Variants in POFUT3 observed in about 807,000 individuals in gnomAD.
POFUT3 encodes protein O-fucosyltransferase 3.
the POFUT3 span, among the ~76,000 whole-genome samples, chr8:33,393,162 A>G: frequency 6.6e-6 from 1 of 152,202 alleles, no homozygotes; most frequent in Non-Finnish European, 1.5e-5. Context: ...CTACTGTAAC[A>G]AGAGTTGGAA....
chr8:33,379,954 T>C, the POFUT3 span, among the ~76,000 whole-genome samples: 1,252 of 108,526 alleles, frequency 0.012, 43 homozygotes, highest in Admixed American at 0.041. Context: ...ACCCTATATA[T>C]ACTATATATA....
chr8:33,407,258 A>C, the POFUT3 span, among the ~76,000 whole-genome samples: 1 of 152,208 alleles, frequency 6.6e-6, no homozygotes, highest in Non-Finnish European at 1.5e-5. Context: ...TCAGCTATAA[A>C]TGGGAGATTA....
chr8:33,354,932 C>T, the POFUT3 span, among the ~76,000 whole-genome samples: 1 of 152,272 alleles, frequency 6.6e-6, no homozygotes, highest in Admixed American at 6.5e-5. Flanking sequence ...TTTACCATAG[C>T]GGCACTTCCG....
At chr8:33,365,330 A>G in the POFUT3 span, among the ~76,000 whole-genome samples, 40 of 152,320 alleles carry the variant, frequency 2.6e-4, no homozygotes, top group Non-Finnish European at 4.9e-4. Context: ...AGGCAATACC[A>G]TTCAGGACAT....
the POFUT3 span, among the ~76,000 whole-genome samples, chr8:33,456,783 TTTTTGAGACAGAGTCTC>T: frequency 6.7e-6 from 1 of 150,124 alleles, no homozygotes; most frequent in East Asian, 1.9e-4. Flanking sequence ...TTTTTTTTTT[TTTTTGAGACAGAGTCTC>T]GCTCTGTCAC....
the POFUT3 span, among the ~76,000 whole-genome samples, chr8:33,433,774 A>G: frequency 6.6e-6 from 1 of 151,524 alleles, no homozygotes; most frequent in African/African-American, 2.4e-5. Context: ...ACAGAGCAAG[A>G]TTCAGTCTCG....
the POFUT3 span, among the ~76,000 whole-genome samples, chr8:33,317,547 C>T: frequency 1.5e-4 from 23 of 152,216 alleles, no homozygotes; most frequent in East Asian, 3.9e-3. Context: ...CCTCCATACT[C>T]GGTTTTGGAA....
the POFUT3 span, among the ~76,000 whole-genome samples, chr8:33,439,636 G>A: frequency 1.3e-5 from 2 of 151,922 alleles, no homozygotes; most frequent in Non-Finnish European, 2.9e-5. Context: ...GGGAGGCGGA[G>A]GTGGGTGGAT....
chr8:33,327,745 G>A, the POFUT3 span, among the ~76,000 whole-genome samples: 1 of 152,178 alleles, frequency 6.6e-6, no homozygotes, highest in Non-Finnish European at 1.5e-5. Flanking sequence ...TCTAAAAGTT[G>A]ATTTTTGCAG....
chr8:33,439,919 T>TG, the POFUT3 span, among the ~76,000 whole-genome samples: 1 of 152,052 alleles, frequency 6.6e-6, no homozygotes. Context: ...CCCTGTCTGA[T>TG]GAAACCCTGA....
chr8:33,386,087 G>C, the POFUT3 span, among the ~76,000 whole-genome samples: 99 of 150,802 alleles, frequency 6.6e-4, 2 homozygotes, highest in African/African-American at 2.3e-3. Flanking sequence ...TGCTCGGGAG[G>C]CTGAGGCACG....
the POFUT3 span, among the ~76,000 whole-genome samples, chr8:33,457,216 G>C: frequency 2.0e-5 from 3 of 152,186 alleles, no homozygotes; most frequent in African/African-American, 7.2e-5. Flanking sequence ...GGGAGGCCCA[G>C]GTGGGTGGAT....
chr8:33,448,304 G>C, the POFUT3 span, among the ~76,000 whole-genome samples: 2 of 152,160 alleles, frequency 1.3e-5, no homozygotes, highest in South Asian at 4.2e-4. Context: ...TAACTCCAGT[G>C]ACTCCTCAAC....
At chr8:33,373,959 T>C in the POFUT3 span, among the ~76,000 whole-genome samples, 2 of 152,178 alleles carry the variant, frequency 1.3e-5, no homozygotes, top group African/African-American at 2.4e-5. Context: ...GTTATGTTGG[T>C]ATAATGCATC....
At chr8:33,389,992 C>T in the POFUT3 span, among the ~76,000 whole-genome samples, 3 of 151,974 alleles carry the variant, frequency 2.0e-5, no homozygotes, top group South Asian at 4.2e-4. Context: ...GTCAGGAGTT[C>T]GAGACCAGCC....
the POFUT3 span, among the ~76,000 whole-genome samples, chr8:33,362,223 G>C: frequency 6.6e-6 from 1 of 152,100 alleles, no homozygotes; most frequent in Non-Finnish European, 1.5e-5. Flanking sequence ...AATGCTGAGA[G>C]ATTTTGTCAC....
At chr8:33,379,953 A>G in the POFUT3 span, among the ~76,000 whole-genome samples, 1 of 110,710 alleles carries the variant, frequency 9.0e-6, no homozygotes, top group Non-Finnish European at 1.7e-5. Flanking sequence ...TACCCTATAT[A>G]TACTATATAT....
At chr8:33,380,646 G>C in the POFUT3 span, among the ~76,000 whole-genome samples, 1 of 151,876 alleles carries the variant, frequency 6.6e-6, no homozygotes, top group African/African-American at 2.4e-5. Flanking sequence ...AAACCAGCCT[G>C]GGCAACATAG....
chr8:33,389,025 T>G, the POFUT3 span: 1 of 1,614,200 alleles, frequency 6.2e-7, no homozygotes, highest in Non-Finnish European at 8.5e-7. Flanking sequence ...AATGCATCGA[T>G]GTAATTGTCC....
Sources: gnomAD v4.1 joint callset for allele counts (sites outside exome capture counted in the v4.1 genomes callset) on GRCh38, gnomAD v4.1.1 for gene constraint, MANE v1.5 for transcripts, NCBI Gene and HGNC (gene_info 2026-07-23, HGNC 2026-07-21) for gene names.